MAGI1: variants seen among roughly 807,000 people sequenced by gnomAD.
The protein encoded by MAGI1 is membrane associated guanylate kinase, WW and PDZ domain containing 1, also known as membrane-associated guanylate kinase, WW and PDZ domain-containing protein 1.
A neutral mutation model predicts 139.9 loss-of-function variants in MAGI1; 58 were observed. The observed-to-expected ratio is 0.41, with a 90% CI of 0.34 to 0.52. The LOEUF (loss-of-function observed/expected upper bound fraction) is 0.52. Ranked by LOEUF, MAGI1 falls within the 20% of genes least tolerant of loss-of-function variation. The pLI, the probability that MAGI1 is intolerant of heterozygous loss-of-function variation, is 0.12. For missense variants in MAGI1, 1,874 were observed against 1,901.6 expected, an observed-to-expected ratio of 0.99 and a Z score of 0.27; for synonymous variants, 812 against 737.9, an observed-to-expected ratio of 1.10 and a Z score of -1.63.
At chr3:65,726,212 A>C (rs562895276) in intron 1 of MAGI1, among the ~76,000 whole-genome samples, 4 of 152,326 alleles carry the variant, frequency 2.6e-5, no homozygotes, top group Non-Finnish European at 5.9e-5. Context: ...TATTTAAGCT[A>C]TGCCACCTGG....
chr3:65,419,004 C>T (rs111804621), intron 12 of MAGI1, among the ~76,000 whole-genome samples: 3 of 152,168 alleles, frequency 2.0e-5, no homozygotes, highest in Non-Finnish European at 2.9e-5. Context: ...CTTCTATCTG[C>T]GCTGGCGGCT....
chr3:65,993,338 G>A (rs911709949), intron 1 of MAGI1, among the ~76,000 whole-genome samples: 1 of 152,092 alleles, frequency 6.6e-6, no homozygotes, highest in Admixed American at 6.5e-5. Context: ...TATTCCACAG[G>A]GTGTGGACCT....
At chr3:65,458,601 G>C (rs538656244) in intron 5 of MAGI1, among the ~76,000 whole-genome samples, 1 of 152,022 alleles carries the variant, frequency 6.6e-6, no homozygotes, top group African/African-American at 2.4e-5. Context: ...CTGCCATCTG[G>C]AGTCTTCTTT....
At chr3:65,760,872 C>T (rs963714465) in intron 1 of MAGI1, among the ~76,000 whole-genome samples, 4 of 152,126 alleles carry the variant, frequency 2.6e-5, no homozygotes, top group African/African-American at 7.2e-5. Flanking sequence ...GGGAAAGAAA[C>T]CACACTCCTG....
chr3:65,717,407 G>C (rs909455440), intron 1 of MAGI1: 2 of 152,190 alleles, frequency 1.3e-5, no homozygotes, highest in East Asian at 1.9e-4. Context: ...GCACGAGATG[G>C]AGATGAAGCA....
intron 2 of MAGI1, among the ~76,000 whole-genome samples, chr3:65,564,860 T>C (rs2080536457): frequency 6.6e-6 from 1 of 152,162 alleles, no homozygotes; most frequent in South Asian, 2.1e-4. Flanking sequence ...AACCAGCTCA[T>C]CAATGGCAGA....
chr3:66,000,747 G>A (rs1305102783), intron 1 of MAGI1, among the ~76,000 whole-genome samples: 1 of 152,216 alleles, frequency 6.6e-6, no homozygotes, highest in Non-Finnish European at 1.5e-5. Context: ...TTTACTTCCT[G>A]TCCATGGCAG....
At chr3:65,621,568 C>T (rs564961162) in intron 2 of MAGI1, among the ~76,000 whole-genome samples, 1 of 152,276 alleles carries the variant, frequency 6.6e-6, no homozygotes, top group East Asian at 1.9e-4. Context: ...AAGGTCAGTC[C>T]GAAGGCCGCT....
intron 1 of MAGI1, among the ~76,000 whole-genome samples, chr3:65,628,313 G>A (rs1262172857): frequency 1.3e-5 from 2 of 152,076 alleles, no homozygotes; most frequent in African/African-American, 4.8e-5. Context: ...CGGAGGACTC[G>A]TTATATAGTT....
intron 1 of MAGI1, among the ~76,000 whole-genome samples, chr3:65,759,083 AAAAAAAAAAAAAT>A (rs1468091859): frequency 2.0e-5 from 3 of 149,690 alleles, no homozygotes; most frequent in African/African-American, 7.6e-5. Flanking sequence ...AAAAAAAAAA[AAAAAAAAAAAAAT>A]GGAAAGTGAA....
At chr3:65,597,465 C>T (rs961374104) in intron 2 of MAGI1, among the ~76,000 whole-genome samples, 2 of 151,826 alleles carry the variant, frequency 1.3e-5, no homozygotes, top group Non-Finnish European at 2.9e-5. Context: ...CTCCAGAGCC[C>T]GGCCTCTCCC....
chr3:65,586,282 T>A (rs957476688), intron 2 of MAGI1, among the ~76,000 whole-genome samples: 1 of 151,904 alleles, frequency 6.6e-6, no homozygotes, highest in African/African-American at 2.4e-5. Context: ...TCTAATACCT[T>A]TATACACTAG....
chr3:65,545,205 C>A (rs944422048), intron 2 of MAGI1, among the ~76,000 whole-genome samples: 2 of 152,022 alleles, frequency 1.3e-5, no homozygotes, highest in Admixed American at 6.6e-5. Context: ...TAACACCTAT[C>A]CCAAAATAGA....
At chr3:65,575,832 T>A (rs767602984) in intron 2 of MAGI1, among the ~76,000 whole-genome samples, 8 of 152,182 alleles carry the variant, frequency 5.3e-5, no homozygotes, top group Non-Finnish European at 1.0e-4. Flanking sequence ...CATGATTACA[T>A]TCACATATAA....
chr3:65,996,020 C>A (rs1024751075), intron 1 of MAGI1, among the ~76,000 whole-genome samples: 1 of 151,998 alleles, frequency 6.6e-6, no homozygotes, highest in African/African-American at 2.4e-5. Context: ...AAAACAAAAA[C>A]GGGATCTTTT....
Position 65,487,927 on chromosome 3 carries a change from A to G in MAGI1, c.550+5585T>C, listed in dbSNP as rs77195295. Among the ~76,000 whole-genome samples, 1,125 of 152,340 alleles carry G rather than the reference A, an allele frequency of 7.4e-3. 12 individuals carry two copies. The highest frequency in any genetic ancestry group is 0.026 in the African/African-American group (1,075 of 41,580). Reference sequence around the variant, plus strand: ...GCCATGTGTGGCTACTTAAATTTAAATGAGTTTATGTTGAATTAAAGTTAA... The same window carrying G: ...GCCATGTGTGGCTACTTAAATTTAAGTGAGTTTATGTTGAATTAAAGTTAA... On this transcript the variant is annotated intron_variant, in intron 3 of 22. Transcript: ENST00000402939.
intron 1 of MAGI1, among the ~76,000 whole-genome samples, chr3:65,984,007 T>C (rs1198797162): frequency 6.6e-6 from 1 of 152,204 alleles, no homozygotes; most frequent in African/African-American, 2.4e-5. Flanking sequence ...TAAAAGGTAG[T>C]GTAGGCCGGG....
rs1224910579 is a variant in MAGI1, at chr3:65,697,676, C to G, written c.314-75588G>C. Among the ~76,000 whole-genome samples, 7 of 110,508 alleles carry G rather than the reference C, an allele frequency of 6.3e-5. 1 individual carries two copies. The highest frequency in any genetic ancestry group is 1.3e-4 in the Non-Finnish European group (7 of 54,886). The allele number at this position is 110,508 out of a possible 152,430, so 72.5% of individuals were successfully genotyped here. A position where few individuals can be genotyped will look rare whatever the true frequency, so the allele number is the denominator to read the frequency against. On this transcript the variant is annotated intron_variant, in intron 1 of 22. Transcript: ENST00000402939. ...AAAGCCTTTGACAAAATTCAATAAC[C>G]CTTCATGCTAAAAACTCTCAATAAA...
chr3:65,692,308 A>G (rs2088748194), intron 1 of MAGI1, among the ~76,000 whole-genome samples: 5 of 152,182 alleles, frequency 3.3e-5, no homozygotes, highest in Admixed American at 3.3e-4. Context: ...TTGTCAGCAC[A>G]CATGAATTCA....
Sources: gnomAD v4.1 joint callset for allele counts (sites outside exome capture counted in the v4.1 genomes callset) on GRCh38, gnomAD v4.1.1 for gene constraint, MANE v1.5 for transcripts, NCBI Gene and HGNC (gene_info 2026-07-23, HGNC 2026-07-21) for gene names.